The following TTC34 variants were observed in gnomAD, a reference collection of about 807,000 sequenced individuals.
The protein encoded by TTC34 is tetratricopeptide repeat domain 34.
TTC34 carries 44 observed loss-of-function variants against 40.7 expected under a neutral mutation model. That is an observed-to-expected ratio of 1.08 (90% CI 0.85 to 1.39). TTC34 has a LOEUF of 1.39. Ranked by LOEUF, TTC34 falls within the 40% of genes most tolerant of loss-of-function variation. TTC34 has a pLI of 0.00. For synonymous variants in TTC34, 422 were observed against 398.6 expected (o/e 1.06, Z -0.70); for missense variants, 884 against 838.0 (o/e 1.05, Z -0.68).
intron 6 of TTC34, among the ~76,000 whole-genome samples, chr1:2,687,681 G>A (rs1158844601): frequency 1.6e-5 from 1 of 61,792 alleles, no homozygotes; most frequent in African/African-American, 7.3e-5. Context: ...GGAGCAGCAC[G>A]CACACCCCCA....
At chr1:2,753,724 A>G (rs1457727275) in intron 6 of TTC34, among the ~76,000 whole-genome samples, 73 of 72,310 alleles carry the variant, frequency 1.0e-3, no homozygotes, top group African/African-American at 1.7e-3. Flanking sequence ...CACAGCCTGG[A>G]GCAGCACACA....
Position 2,785,881 on chromosome 1 carries a change from GC to G in TTC34, c.1996del (p.Ala666ProfsTer73). On this transcript the variant is annotated frameshift_variant, in exon 5 of 9. Coordinates refer to ENST00000401095, the Ensembl canonical transcript of TTC34. LOFTEE classifies it high-confidence loss of function. ...CTCCTTGGTGTGAACCCTGCCGTCG[GC>G]CCCGCCTGGCCGTGCCCGCAGGATG... is the stretch of plus-strand genomic sequence containing the variant. The G allele has an allele frequency of 6.5e-7, 1 of 1,539,254 alleles. No individual in the cohort carries two copies. The highest frequency in any genetic ancestry group is 8.8e-7 in the Non-Finnish European group (1 of 1,139,642).
intron 8 of TTC34, among the ~76,000 whole-genome samples, chr1:2,643,144 GA>G (rs1638945964): frequency 6.6e-6 from 1 of 152,182 alleles, no homozygotes; most frequent in African/African-American, 2.4e-5. Flanking sequence ...CCCCAGTGGG[GA>G]AGGGCGCTCA....
intron 5 of TTC34, among the ~76,000 whole-genome samples, chr1:2,785,300 C>CCCCAGGAGATCCCTGCA (rs1163928290): frequency 6.6e-6 from 1 of 152,012 alleles, no homozygotes; most frequent in African/African-American, 2.4e-5. Context: ...ACTCCCTGTA[C>CCCCAGGAGATCCCTGCA]CCCAGGAGAT....
At position 2,683,632 on chromosome 1, in the gene TTC34, C is replaced by A. The variant is rs1159072565; in HGVS notation, c.2227-38069G>T. 5.5e-5 allele frequency among the ~76,000 whole-genome samples: 8 copies of A among 146,584 alleles called. No individual in the cohort carries two copies. In the South Asian group the frequency reaches 6.4e-4, roughly 12 times the overall value. On this transcript the variant is annotated intron_variant, in intron 6 of 8. Transcript: ENST00000401095. ...CTGACATCCTTCAGCAGCACCCACA[C>A]CCCCAGGTGAGCATCTGACAGCCTG...
intron 6 of TTC34, among the ~76,000 whole-genome samples, chr1:2,759,873 T>TCTGAAAGCGTGGAACAGCAC (rs1641636880): frequency 4.7e-5 from 3 of 63,404 alleles, no homozygotes; most frequent in African/African-American, 3.2e-4. Flanking sequence ...TGGAGTAGTA[T>TCTGAAAGCGTGGAACAGCAC]CCTGCACCCT....
At chr1:2,761,120 CT>C (rs1287125694) in intron 6 of TTC34, among the ~76,000 whole-genome samples, 2 of 54,508 alleles carry the variant, frequency 3.7e-5, no homozygotes. Flanking sequence ...GCATCACATA[CT>C]CCCCCAGGTG....
At chr1:2,642,725 G>T (rs1261682201) in intron 8 of TTC34, among the ~76,000 whole-genome samples, 2 of 152,230 alleles carry the variant, frequency 1.3e-5, no homozygotes, top group African/African-American at 4.8e-5. Context: ...CCAGCAGCCC[G>T]GCGGTCCTCG....
At chr1:2,767,412 G>T (rs1230005672) in intron 6 of TTC34, among the ~76,000 whole-genome samples, 1 of 144,400 alleles carries the variant, frequency 6.9e-6, no homozygotes, top group Non-Finnish European at 1.5e-5. Flanking sequence ...CCCCAGGTGA[G>T]CATCTGACCG....
chr1:2,749,404 C>T (rs1641244068), intron 6 of TTC34, among the ~76,000 whole-genome samples: 2 of 137,378 alleles, frequency 1.5e-5, no homozygotes, highest in South Asian at 2.4e-4. Context: ...CACCCTGCAC[C>T]CCCAGGTGCG....
rs1643152520 is a variant in TTC34, at chr1:2,776,267, C to T, written c.2226+7342G>A. Reference sequence around the variant, plus strand: ...CACATGCAGGTGAGCATCCGACAGCCTGGAACAGCAGCTCACATCCCCAGG... The same window carrying T: ...CACATGCAGGTGAGCATCCGACAGCTTGGAACAGCAGCTCACATCCCCAGG... On this transcript the variant is annotated intron_variant, in intron 6 of 8. Transcript: ENST00000401095. The T allele has an allele frequency of 1.8e-5, 2 of 111,138 alleles. 1 individual carries two copies. Among genetic ancestry groups the T allele is most frequent in the African/African-American group, 1.0e-4 (2 of 19,500 alleles). 6.9% of individuals were successfully genotyped at this position (111,138 alleles called of 1,614,324 possible). A position where few individuals can be genotyped will look rare whatever the true frequency, so the allele number is the denominator to read the frequency against.
At chr1:2,697,731 GGTGAGC>G (rs1640934065) in intron 6 of TTC34, among the ~76,000 whole-genome samples, 1 of 98,614 alleles carries the variant, frequency 1.0e-5, no homozygotes, top group Non-Finnish European at 2.2e-5. Context: ...CACACCCCCA[GGTGAGC>G]ATCTGACAGC....
intron 6 of TTC34, among the ~76,000 whole-genome samples, chr1:2,684,913 T>A (rs1338825444): frequency 4.3e-5 from 2 of 45,986 alleles, no homozygotes; most frequent in East Asian, 8.2e-4. Flanking sequence ...AACAGCACCC[T>A]GCACACCCAG....
intron 6 of TTC34, among the ~76,000 whole-genome samples, chr1:2,749,828 TGGAACAGCACCCACACCCCCAGG>T (rs1641258979): frequency 3.5e-5 from 5 of 142,268 alleles, no homozygotes; most frequent in Admixed American, 1.5e-4. Flanking sequence ...TCTGACAGCC[TGGAACAGCACCCACACCCCCAGG>T]TGAACATCCG....
exon 9 of TTC34, chr1:2,637,212 A>G (rs1557574612): frequency 6.6e-6 from 1 of 152,164 alleles, no homozygotes. Context: ...CAGTGTAGAA[A>G]ATGAATTAGG....
intron 6 of TTC34, chr1:2,775,729 C>G (rs1437834965): frequency 6.8e-6 from 1 of 146,762 alleles, no homozygotes; most frequent in Non-Finnish European, 1.5e-5. Context: ...AAGTGTCTGA[C>G]AGCCTAGAGC....
chr1:2,799,254 G>A (rs954713223), intron 2 of TTC34, among the ~76,000 whole-genome samples: 2 of 152,330 alleles, frequency 1.3e-5, no homozygotes, highest in Admixed American at 1.3e-4. Context: ...TAAAAATGCA[G>A]ATCAGGCGCC....
chr1:2,767,688 C>A (rs1345099912), intron 6 of TTC34, among the ~76,000 whole-genome samples: 35 of 130,232 alleles, frequency 2.7e-4, no homozygotes, highest in Non-Finnish European at 4.2e-4. Flanking sequence ...TCTCCAACCC[C>A]AGGTGAGGAT....
At chr1:2,642,097 T>A (rs1209812232) in intron 8 of TTC34, among the ~76,000 whole-genome samples, 2 of 152,006 alleles carry the variant, frequency 1.3e-5, no homozygotes, top group Admixed American at 1.3e-4. Flanking sequence ...GGACCCAGGG[T>A]AGAGGACCCC....
Sources: gnomAD v4.1 joint callset for allele counts (sites outside exome capture counted in the v4.1 genomes callset) on GRCh38, gnomAD v4.1.1 for gene constraint, MANE v1.5 for transcripts, NCBI Gene and HGNC (gene_info 2026-07-23, HGNC 2026-07-21) for gene names.